The following ZC3HC1 variants were observed in gnomAD, a reference collection of about 807,000 sequenced individuals.
ZC3HC1 encodes zinc finger C3HC-type containing 1, also known as zinc finger C3HC-type protein 1.
ZC3HC1 carries 38 observed loss-of-function variants against 61.9 expected under a neutral mutation model. That is an observed-to-expected ratio of 0.61 (90% CI 0.47 to 0.81). The LOEUF is 0.81. ZC3HC1 is among the 30% of genes least tolerant of loss of function. The pLI is 0.00. For missense variants in ZC3HC1, 554 were observed against 622.7 expected (o/e 0.89, Z 1.17); for synonymous variants, 213 against 229.9 (o/e 0.93, Z 0.67).
At chr7:130,043,869 T>C (rs1794770958) in intron 2 of ZC3HC1, 2 of 455,340 alleles carry the variant, frequency 4.4e-6, no homozygotes, top group South Asian at 3.1e-5. Context: ...ATATAGGGGA[T>C]TGATCAAAGT....
intron 9 of ZC3HC1, among the ~76,000 whole-genome samples, chr7:130,021,804 G>A (rs780408962): frequency 2.6e-5 from 4 of 152,074 alleles, no homozygotes; most frequent in African/African-American, 9.7e-5. Flanking sequence ...AGAACTTGAC[G>A]GAATGCCATA....
chr7:130,030,814 G>A (rs13239068), intron 4 of ZC3HC1, among the ~76,000 whole-genome samples: 8,793 of 151,312 alleles, frequency 0.058, 421 homozygotes, highest in East Asian at 0.26. Flanking sequence ...GACTACAGGC[G>A]CCCGCCACTG....
chr7:130,050,587 G>C, intron 1 of ZC3HC1: 1 of 1,161,656 alleles, frequency 8.6e-7, no homozygotes, highest in Non-Finnish European at 1.2e-6. Flanking sequence ...CTTCAATTAT[G>C]AATGAAGGTA....
At chr7:130,042,098 T>A (rs1177174271) in intron 2 of ZC3HC1, among the ~76,000 whole-genome samples, 1 of 151,624 alleles carries the variant, frequency 6.6e-6, no homozygotes, top group African/African-American at 2.4e-5. Context: ...AGCTCAGGAG[T>A]TGAAGATCAG....
chr7:130,034,242 T>G (rs1427404326), intron 4 of ZC3HC1, among the ~76,000 whole-genome samples: 1 of 151,018 alleles, frequency 6.6e-6, no homozygotes, highest in East Asian at 1.9e-4. Context: ...TCCCAGCACT[T>G]TGGGAGGCCG....
chr7:130,032,629 G>C (rs1794247620), intron 4 of ZC3HC1, among the ~76,000 whole-genome samples: 1 of 149,018 alleles, frequency 6.7e-6, no homozygotes, highest in South Asian at 2.2e-4. Context: ...CTGGGAGAGA[G>C]AGAGAGAGGA....
intron 1 of ZC3HC1, among the ~76,000 whole-genome samples, chr7:130,050,809 C>T (rs545701611): frequency 1.3e-5 from 2 of 152,286 alleles, no homozygotes; most frequent in East Asian, 1.9e-4. Flanking sequence ...TTGATAACTA[C>T]ATTCCAATCT....
chr7:130,044,238 G>A (rs1193686602), intron 2 of ZC3HC1, among the ~76,000 whole-genome samples: 1 of 152,132 alleles, frequency 6.6e-6, no homozygotes, highest in African/African-American at 2.4e-5. Flanking sequence ...TGCCCAGGCT[G>A]GTCTCTCCTG....
chr7:130,047,330 A>G (rs543083667), intron 2 of ZC3HC1, among the ~76,000 whole-genome samples: 1 of 152,142 alleles, frequency 6.6e-6, no homozygotes, highest in Admixed American at 6.6e-5. Flanking sequence ...TCCTGACCTC[A>G]GGTGATCCGC....
intron 2 of ZC3HC1, chr7:130,045,580 G>C (rs1794830769): frequency 2.2e-6 from 1 of 455,694 alleles, no homozygotes; most frequent in Non-Finnish European, 4.4e-6. Flanking sequence ...TTGTACTTTG[G>C]ATCTCATTTG....
At chr7:130,042,159 G>A (rs199737782) in intron 2 of ZC3HC1, among the ~76,000 whole-genome samples, 65 of 151,870 alleles carry the variant, frequency 4.3e-4, no homozygotes, top group African/African-American at 1.4e-3. Context: ...AAAAATTAGC[G>A]GGATGTGGTG....
At chr7:130,020,274 CTTT>C (rs531130416) in intron 9 of ZC3HC1, among the ~76,000 whole-genome samples, 1 of 134,632 alleles carries the variant, frequency 7.4e-6, no homozygotes. Context: ...ACACTTTTTT[CTTT>C]TTTTTTTTTT....
Position 130,023,687 on chromosome 7 carries a change from G to C in ZC3HC1, c.1057C>G (p.Arg353Gly), listed in dbSNP as rs567287067. 1.9e-6 allele frequency: 3 copies of C among 1,614,218 alleles called. No individual in the cohort carries two copies. In the East Asian group the frequency reaches 6.7e-5, roughly 36 times the overall value. ...ACAGGACTGGAAGAGTCCCAGCTCC[G>C]AGTTCGAGAGACAATGGGACCAGGG... Reference protein sequence around the residue: ...KSPGPIVSRTRSWDSSSPVDR... With the variant: ...KSPGPIVSRTGSWDSSSPVDR... The change falls in exon 8 of 10, where the codon CGG (arginine) becomes GGG (glycine). Residue 353 changes from arginine to glycine, a missense_variant. Arg to Gly is a moderately radical substitution (Grantham distance 125, BLOSUM62 -2). Coordinates refer to ENST00000358303, the MANE Select transcript of ZC3HC1 (RefSeq NM_016478.5). The surrounding 1 kb of genome is among the most constrained non-coding windows in gnomAD (Gnocchi z 4.2).
chr7:130,030,353 C>T (rs1048799809), intron 4 of ZC3HC1, among the ~76,000 whole-genome samples: 5 of 152,134 alleles, frequency 3.3e-5, no homozygotes, highest in Middle Eastern at 3.4e-3. Context: ...GTGCCTGACA[C>T]CACACCTGGT....
intron 2 of ZC3HC1, among the ~76,000 whole-genome samples, chr7:130,041,358 T>C (rs918838385): frequency 6.6e-6 from 1 of 151,972 alleles, no homozygotes; most frequent in East Asian, 1.9e-4. Context: ...CAGCTAATTT[T>C]TGTATTTTTT....
chr7:130,050,043 T>C (rs1412637132), intron 1 of ZC3HC1, among the ~76,000 whole-genome samples: 2 of 152,070 alleles, frequency 1.3e-5, no homozygotes, highest in Non-Finnish European at 2.9e-5. Flanking sequence ...GTGGAAGGCA[T>C]TTCAACAGTG....
intron 2 of ZC3HC1, among the ~76,000 whole-genome samples, chr7:130,041,351 C>A (rs1195236095): frequency 6.6e-6 from 1 of 151,940 alleles, no homozygotes; most frequent in Admixed American, 6.6e-5. Flanking sequence ...CCACACCCAG[C>A]TAATTTTTGT....
intron 2 of ZC3HC1, 51 bp from the exon 3 acceptor site, chr7:130,041,152 G>GTA: frequency 2.5e-6 from 3 of 1,186,118 alleles, no homozygotes; most frequent in South Asian, 1.5e-5. Flanking sequence ...ATATGTGTGT[G>GTA]TATGTGTGTG....
In ZC3HC1 at chr7:130,023,477, T is replaced by C. The variant is rs746280043; in HGVS notation, c.1233+34A>G. 1 of 1,608,516 alleles carries C rather than the reference T, an allele frequency of 6.2e-7. No individual in the cohort carries two copies. On this transcript the variant is annotated intron_variant, in intron 8 of 9. Coordinates refer to ENST00000358303, the MANE Select transcript of ZC3HC1 (RefSeq NM_016478.5). This position sits in a 1 kb window ranked among gnomAD's most constrained non-coding sequence, Gnocchi z 4.2. ...TAGGGAGGGCCCAATATGCTGTTTA[T>C]GCTCAGCCACTGCTACATGCGAGGT...
Sources: allele counts gnomAD v4.1 joint callset (sites outside exome capture counted in the v4.1 genomes callset), GRCh38; gene constraint gnomAD v4.1.1; non-coding constraint Gnocchi (gnomAD v3.1); transcripts MANE v1.5; gene names NCBI Gene and HGNC (gene_info 2026-07-23, HGNC 2026-07-21).